The following PRPH2 variants were observed in gnomAD, a reference collection of about 807,000 sequenced individuals.
PRPH2 encodes peripherin 2.
A neutral mutation model predicts 31.3 loss-of-function variants in PRPH2; 17 were observed. That is an observed-to-expected ratio of 0.54 (90% CI 0.37 to 0.81). PRPH2 has a LOEUF of 0.81. Ranked by LOEUF, PRPH2 falls within the 40% of genes least tolerant of loss-of-function variation. PRPH2 has a pLI of 0.00. For synonymous variants in PRPH2, 165 were observed against 184.4 expected (o/e 0.89, Z 0.85); for missense variants, 430 against 439.7 (o/e 0.98, Z 0.20).
chr6:42,698,169 G>C lies in PRPH2; in HGVS notation c.*126C>G. 7.7e-7 allele frequency: 1 copy of C among 1,304,744 alleles called. No individual in the cohort carries two copies. The highest frequency in any genetic ancestry group is 1.3e-5 in the South Asian group (1 of 74,096). 80.8% of individuals were successfully genotyped at this position (1,304,744 alleles called of 1,614,324 possible). A position where few individuals can be genotyped will look rare whatever the true frequency, so the allele number is the denominator to read the frequency against. ...CCTAAACTTAAATTCCACCGTCAGG[G>C]AGAGTCTCTGTAAGATGGTGCCCTC... On this transcript the variant is annotated 3_prime_UTR_variant, in exon 3 of 3. Coordinates refer to ENST00000230381, the MANE Select transcript of PRPH2 (RefSeq NM_000322.5).
At chr6:42,709,214 T>C (rs987180903) in intron 1 of PRPH2, among the ~76,000 whole-genome samples, 6 of 151,562 alleles carry the variant, frequency 4.0e-5, no homozygotes, top group South Asian at 2.1e-4. Context: ...CCTGTAATCC[T>C]AGCTACTGGG....
intron 1 of PRPH2, chr6:42,711,796 C>T: frequency 3.0e-6 from 3 of 985,384 alleles, no homozygotes; most frequent in Non-Finnish European, 3.6e-6. Context: ...TGGTGAAGAG[C>T]AAGAGCTTGG....
chr6:42,715,384 C>G (rs1405365812), intron 1 of PRPH2, among the ~76,000 whole-genome samples: 1 of 151,496 alleles, frequency 6.6e-6, no homozygotes, highest in Non-Finnish European at 1.5e-5. Flanking sequence ...GACAGAGCAG[C>G]CAAAACTCAG....
intron 2 of PRPH2, among the ~76,000 whole-genome samples, chr6:42,703,335 T>C (rs1429430800): frequency 6.6e-6 from 1 of 152,250 alleles, no homozygotes; most frequent in Non-Finnish European, 1.5e-5. Flanking sequence ...AACTGAGCGT[T>C]GCAGATAAGA....
chr6:42,701,337 T>C (rs2152004472), intron 2 of PRPH2, among the ~76,000 whole-genome samples: 1 of 152,226 alleles, frequency 6.6e-6, no homozygotes, highest in South Asian at 2.1e-4. Context: ...TTGGTCAGGC[T>C]GGTTGCAAAC....
intron 1 of PRPH2, among the ~76,000 whole-genome samples, chr6:42,711,185 C>A (rs970932451): frequency 2.0e-5 from 3 of 152,102 alleles, no homozygotes; most frequent in Non-Finnish European, 2.9e-5. Context: ...AGATTAATGC[C>A]ATTATCATGG....
chr6:42,697,637 T>C lies in PRPH2; in HGVS notation c.*658A>G. 6.6e-6 allele frequency: 1 copy of C among 152,560 alleles called. No homozygotes were observed. 9.5% of individuals were successfully genotyped at this position (152,560 alleles called of 1,614,324 possible). On this transcript the variant is annotated 3_prime_UTR_variant, in exon 3 of 3. Transcript: ENST00000230381. ...TGAATGGGACACAAAAGCAGGCCTT[T>C]CACTGTGTTTTTGGTGGGGGATAAA...
intron 1 of PRPH2, among the ~76,000 whole-genome samples, chr6:42,720,834 C>G (rs1761888474): frequency 6.6e-6 from 1 of 152,232 alleles, no homozygotes; most frequent in South Asian, 2.1e-4. Flanking sequence ...TGAAAAGTCA[C>G]TCGAGCCCCA....
chr6:42,697,143 G>T lies in PRPH2; in HGVS notation c.*1152C>A, dbSNP rs1799956814. ...CTGGTCACCAGGGCTTGGGAAGTCA[G>T]CAAAATCATTCTCTCCTTCCCCTGA... On this transcript the variant is annotated 3_prime_UTR_variant, in exon 3 of 3. Transcript: ENST00000230381. 6.6e-6 allele frequency: 1 copy of T among 152,136 alleles called. No individual in the cohort carries two copies. Among genetic ancestry groups the T allele is most frequent in the South Asian group, 2.1e-4 (1 of 4,822 alleles). 9.4% of individuals were successfully genotyped at this position (152,136 alleles called of 1,614,324 possible).
Position 42,698,281 on chromosome 6 carries a change from G to A in PRPH2, c.*14C>T, listed in dbSNP as rs1403596870. Reference sequence around the variant, plus strand: ...TATTTCTCAGTGTTCGGGAGGGGAGGGGCCCCAGGGCCCTCAGCCAGCCTC... The same window carrying A: ...TATTTCTCAGTGTTCGGGAGGGGAGAGGCCCCAGGGCCCTCAGCCAGCCTC... On this transcript the variant is annotated 3_prime_UTR_variant, in exon 3 of 3. Coordinates refer to ENST00000230381, the MANE Select transcript of PRPH2 (RefSeq NM_000322.5). The A allele has an allele frequency of 1.2e-6, 2 of 1,613,272 alleles. No homozygotes were observed. Among genetic ancestry groups the A allele is most frequent in the Admixed American group, 1.7e-5 (1 of 59,992 alleles).
chr6:42,713,500 C>G (rs986381058), intron 1 of PRPH2, among the ~76,000 whole-genome samples: 1 of 152,166 alleles, frequency 6.6e-6, no homozygotes, highest in Non-Finnish European at 1.5e-5. Flanking sequence ...GGGGCCACCT[C>G]GTTATTATCT....
chr6:42,721,637 G>T, intron 1 of PRPH2, 117 bp downstream of exon 1: 2 of 1,180,310 alleles, frequency 1.7e-6, no homozygotes, highest in Non-Finnish European at 2.5e-6. Context: ...GCAATAAGTT[G>T]TGCACCCGAT....
At position 42,698,388 on chromosome 6, in the gene PRPH2, C is replaced by G; in HGVS notation, c.948G>C (p.Trp316Cys). 1 of 1,613,906 alleles carries G rather than the reference C, an allele frequency of 6.2e-7. No homozygotes were observed. The highest frequency in any genetic ancestry group is 8.5e-7 in the Non-Finnish European group (1 of 1,179,792). ...WLLERSVPET[W>C]KAFLESVKKL... is the part of the protein sequence containing the mutation. Reference sequence around the variant, plus strand: ...TCTTCACACTCTCCAGAAAGGCCTTCCAGGTCTCCGGCACGCTCCTCTCCA... The same window carrying G: ...TCTTCACACTCTCCAGAAAGGCCTTGCAGGTCTCCGGCACGCTCCTCTCCA... The change falls in exon 3 of 3, where the codon TGG becomes TGC. Residue 316 changes from tryptophan (W) to cysteine (C), a missense_variant. Physicochemically the swap from Trp to Cys is radical, Grantham distance 215. Transcript: ENST00000230381.
intron 1 of PRPH2, among the ~76,000 whole-genome samples, chr6:42,718,258 CCTGGAGAGTGAGA>C (rs1421190506): frequency 2.0e-5 from 3 of 150,366 alleles, no homozygotes; most frequent in Non-Finnish European, 4.4e-5. Flanking sequence ...TTGCAGTGAG[CCTGGAGAGTGAGA>C]CCATCTCAAG....
rs1799950742 is a variant in PRPH2 at position 42,696,800 on chromosome 6, A to T, written c.*1495T>A. The stretch of plus-strand genomic sequence containing the variant: ...GGCCTCAACGAGATTCAGAAATCTA[A>T]TTAAACTTGGGACCAACGTCTGACA... On this transcript the variant is annotated 3_prime_UTR_variant, in exon 3 of 3. Transcript: ENST00000230381. 6.6e-6 allele frequency: 1 copy of T among 151,968 alleles called. No individual in the cohort carries two copies. Among genetic ancestry groups the T allele is most frequent in the African/African-American group, 2.4e-5 (1 of 41,348 alleles). 9.4% of individuals were successfully genotyped at this position (151,968 alleles called of 1,614,324 possible). A position where few individuals can be genotyped will look rare whatever the true frequency, so the allele number is the denominator to read the frequency against.
intron 1 of PRPH2, chr6:42,711,805 G>A (rs2152007458): frequency 2.0e-6 from 2 of 985,414 alleles, no homozygotes; most frequent in Non-Finnish European, 1.2e-6. Context: ...GCAAGAGCTT[G>A]GTGCCAGCTT....
chr6:42,722,303 T>C lies in PRPH2; in HGVS notation c.32A>G (p.Lys11Arg), dbSNP rs1212075274. Residue 11 changes from lysine to arginine, a missense_variant, in exon 1 of 3, where the codon AAG becomes AGG. Lys to Arg is a conservative substitution (Grantham distance 26). Transcript: ENST00000230381. This position sits in a 1 kb window ranked among gnomAD's most constrained non-coding sequence, Gnocchi z 4.4. Reference protein sequence around the residue: MALLKVKFDQKKRVKLAQGLW... With the variant: MALLKVKFDQRKRVKLAQGLW... ...CCCTTGGGCCAACTTGACCCGCTTC[T>C]TCTGGTCAAACTTGACTTTCAGTAG... The C allele has an allele frequency of 1.2e-6, 2 of 1,614,080 alleles. No individual in the cohort carries two copies. The highest frequency in any genetic ancestry group is 1.7e-6 in the Non-Finnish European group (2 of 1,180,036).
chr6:42,722,232 A>G lies in PRPH2; in HGVS notation c.103T>C (p.Phe35Leu), dbSNP rs775097028. ...WFSVLAGIII[F>L]SLGLFLKIEL... ...ATCTTCAGGAACAGTCCTAGGCTGA[A>G]GATGATGATGCCAGCCAACACGGAG... Residue 35 changes from phenylalanine (F) to leucine (L), a missense_variant, in exon 1 of 3, where the codon TTC becomes CTC. Phe to Leu is a conservative substitution (Grantham distance 22). Coordinates refer to ENST00000230381, the MANE Select transcript of PRPH2 (RefSeq NM_000322.5). The surrounding 1 kb of genome is among the most constrained non-coding windows in gnomAD (Gnocchi z 4.4). 6 of 1,614,176 alleles carry G rather than the reference A, an allele frequency of 3.7e-6. No individual in the cohort carries two copies. The highest frequency in any genetic ancestry group is 5.1e-6 in the Non-Finnish European group (6 of 1,180,042).
Position 42,722,535 on chromosome 6 carries a change from T to A in PRPH2, c.-201A>T. On this transcript the variant is annotated 5_prime_UTR_variant, in exon 1 of 3. Coordinates refer to ENST00000230381, the MANE Select transcript of PRPH2 (RefSeq NM_000322.5). This position sits in a 1 kb window ranked among gnomAD's most constrained non-coding sequence, Gnocchi z 4.4. ...AGTAGTGGTGGCAGGGGTCTCGGAA[T>A]CACAGCTTGAGCAGGGGATAGTCCT... 1 of 1,452,170 alleles carries A rather than the reference T, an allele frequency of 6.9e-7. No individual in the cohort carries two copies. 90.0% of individuals were successfully genotyped at this position (1,452,170 alleles called of 1,614,324 possible). A position where few individuals can be genotyped will look rare whatever the true frequency, so the allele number is the denominator to read the frequency against.
Sources: gnomAD v4.1 joint callset for allele counts (sites outside exome capture counted in the v4.1 genomes callset) on GRCh38, gnomAD v4.1.1 for gene constraint, Gnocchi (gnomAD v3.1) non-coding constraint, MANE v1.5 for transcripts, NCBI Gene and HGNC (gene_info 2026-07-23, HGNC 2026-07-21) for gene names.